Variants in SIGIRR observed in about 807,000 individuals in gnomAD.
SIGIRR encodes the protein single Ig and TIR domain containing.
A neutral mutation model predicts 45.6 loss-of-function variants in SIGIRR; 41 were observed. That is an observed-to-expected ratio of 0.90 (90% CI 0.70 to 1.17). The LOEUF is 1.17. Among genes scored for constraint, SIGIRR ranks in the 50% most tolerant of loss-of-function variants. SIGIRR has a pLI of 0.00. For missense variants in SIGIRR, 599 were observed against 539.6 expected (o/e 1.11, Z -1.09); for synonymous variants, 298 against 239.0 (o/e 1.25, Z -2.28).
At chr11:415,044 A>C, upstream of SIGIRR, 1 of 221,410 alleles carries the variant, frequency 4.5e-6, no homozygotes, top group Non-Finnish European at 7.6e-6. The surrounding 1 kb of genome is among the most constrained non-coding windows in gnomAD (Gnocchi z 6.6). Flanking sequence ...CCTAACCCTA[A>C]ACCCCACCCA....
intron 8 of SIGIRR, 79 bp downstream of exon 8, chr11:406,764 G>A (rs967438835): frequency 2.1e-6 from 3 of 1,441,874 alleles, no homozygotes; most frequent in Non-Finnish European, 2.7e-6. Flanking sequence ...TCCCCACGGA[G>A]GGGTCCCAGC....
chr11:413,309 C>G (rs373946320), intron 1 of SIGIRR, among the ~76,000 whole-genome samples: 2 of 152,072 alleles, frequency 1.3e-5, no homozygotes, highest in Non-Finnish European at 1.5e-5. Flanking sequence ...GAGGCACACA[C>G]CCATGGGGGA....
chr11:408,555 C>A, intron 3 of SIGIRR, 140 bp downstream of exon 3: 1 of 1,004,444 alleles, frequency 1.0e-6, no homozygotes, highest in Non-Finnish European at 1.5e-6. Context: ...ACATTACTGA[C>A]CCTCCGTCTG....
chr11:406,601 C>T, intron 8 of SIGIRR, 63 bp from the exon 9 acceptor site: 1 of 1,526,822 alleles, frequency 6.5e-7, no homozygotes, highest in Non-Finnish European at 8.8e-7. Context: ...GCGTCCTGGC[C>T]CCCAAGAGCA....
upstream of SIGIRR, among the ~76,000 whole-genome samples, chr11:416,991 C>A (rs2133664998): frequency 6.6e-6 from 1 of 152,288 alleles, no homozygotes; most frequent in East Asian, 1.9e-4. This position sits in a 1 kb window ranked among gnomAD's most constrained non-coding sequence, Gnocchi z 9.1. Flanking sequence ...CTTGGGCGAC[C>A]GAGGTGGGAT....
rs1161916142 is a variant in SIGIRR, at chr11:406,174, G to A, written c.1070-115C>T. ...TGTGATGGCCTGTGAGGCCCAGGAA[G>A]TTCCCAGGCAGACCGAGGGCCGAGC... is the stretch of plus-strand genomic sequence containing the variant. On this transcript the variant is annotated intron_variant, in intron 9 of 9. Transcript: ENST00000431843. 7 of 1,537,768 alleles carry A rather than the reference G, an allele frequency of 4.6e-6. No homozygotes were observed. The Admixed American group carries it at 1.2e-4, about 26-fold the overall frequency.
Position 408,150 on chromosome 11 carries a change from G to C in SIGIRR, c.263C>G (p.Thr88Ser), listed in dbSNP as rs748367004. 2.5e-6 allele frequency: 4 copies of C among 1,612,674 alleles called. No homozygotes were observed. In the African/African-American group the frequency reaches 5.3e-5, roughly 22 times the overall value. ...GAAGGCCCCATAGACTTCAGTGCTG[G>C]TCACGTTGACCCCCAGGACACTGGA... is the stretch of plus-strand genomic sequence containing the variant. ...LVSSVLGVNV[T>S]STEVYGAFTC... Residue 88 changes from threonine to serine, a missense_variant, in exon 4 of 10, where the codon ACC (threonine) becomes AGC (serine). Coordinates refer to ENST00000431843, the MANE Select transcript of SIGIRR (RefSeq NM_001135054.2).
intron 1 of SIGIRR, among the ~76,000 whole-genome samples, chr11:411,430 G>A (rs1310866269): frequency 4.1e-4 from 5 of 12,066 alleles, no homozygotes; most frequent in Admixed American, 4.0e-3. Flanking sequence ...GGATACAGTC[G>A]GGGAGGGGGG....
rs201273535 is a variant in SIGIRR, at chr11:407,969, T to A, written c.341-12A>T. ...GTGGCTTGTAGGGCCTGCGGATGGG[T>A]TGCCTGAGCCGCTGCCCCTCCAGCA... On this transcript the variant is annotated splice_polypyrimidine_tract_variant and intron_variant, in intron 4 of 9. Coordinates refer to ENST00000431843, the MANE Select transcript of SIGIRR (RefSeq NM_001135054.2). The A allele has an allele frequency of 6.2e-7, 1 of 1,602,650 alleles. No individual in the cohort carries two copies.
chr11:408,608 G>T, intron 3 of SIGIRR, 87 bp downstream of exon 3: 1 of 1,484,218 alleles, frequency 6.7e-7, no homozygotes, highest in Non-Finnish European at 9.4e-7. Context: ...TGGCCAGGTG[G>T]TTACAGACCC....
intron 2 of SIGIRR, chr11:409,327 C>G: frequency 3.1e-6 from 1 of 326,022 alleles, no homozygotes. Flanking sequence ...AGTGTGGGCA[C>G]CAGTGGGTTT....
In SIGIRR at chr11:407,121, G is replaced by GAT; in HGVS notation, c.668_669insAT (p.Leu224SerfsTer11). The GAT allele has an allele frequency of 6.5e-7, 1 of 1,529,666 alleles. No individual in the cohort carries two copies. Among genetic ancestry groups the GAT allele is most frequent in the Admixed American group, 2.0e-5 (1 of 51,054 alleles). 94.8% of individuals were successfully genotyped at this position (1,529,666 alleles called of 1,614,324 possible). ...AGGCGTCCGAAAGCACCACGATGAG[G>GAT]CGTCGGCAGCGGCTCAGGTTCACCA... On this transcript the variant is annotated frameshift_variant, in exon 7 of 10. Transcript: ENST00000431843. LOFTEE classifies it high-confidence loss of function.
intron 7 of SIGIRR, 22 bp downstream of exon 7, chr11:407,040 C>T: frequency 6.3e-7 from 1 of 1,575,932 alleles, no homozygotes; most frequent in Non-Finnish European, 8.6e-7. Context: ...CTGGGGCCCA[C>T]CCAACCCCGC....
intron 6 of SIGIRR, 97 bp from the exon 7 acceptor site, chr11:407,261 GGGCGGGGCCTGCGGGGTGGGCGGGTTTTT>G: frequency 1.7e-6 from 1 of 600,980 alleles, no homozygotes; most frequent in Non-Finnish European, 2.4e-6. Context: ...TCTAAGGGAG[GGGCGGGGCCTGCGGGGTGGGCGGGTTTTT>G]GAGGCGGGGC....
chr11:412,867 A>G (rs7396263), intron 1 of SIGIRR, among the ~76,000 whole-genome samples: 129,051 of 152,134 alleles, frequency 0.85, 55,343 homozygotes, highest in East Asian at 1. Flanking sequence ...GAGGGTGAAC[A>G]GCGCCCGGTG....
chr11:407,113 A>G lies in SIGIRR; in HGVS notation c.677T>C (p.Val226Ala). The G allele has an allele frequency of 2.6e-6, 4 of 1,524,614 alleles. No homozygotes were observed. Among genetic ancestry groups the G allele is most frequent in the Admixed American group, 1.9e-5 (1 of 51,806 alleles). 94.4% of individuals were successfully genotyped at this position (1,524,614 alleles called of 1,614,324 possible). Reference protein sequence around the residue: ...VNLSRCRRLIVVLSDAFLSRA... With the variant: ...VNLSRCRRLIAVLSDAFLSRA... ...GCTCAGGAAGGCGTCCGAAAGCACC[A>G]CGATGAGGCGTCGGCAGCGGCTCAG... Residue 226 changes from valine to alanine, a missense_variant, in exon 7 of 10, where the codon GTG (valine) becomes GCG (alanine). Coordinates refer to ENST00000431843, the MANE Select transcript of SIGIRR (RefSeq NM_001135054.2).
At chr11:407,680 C>A in intron 5 of SIGIRR, 112 bp from the exon 6 acceptor site, 1 of 1,559,874 alleles carries the variant, frequency 6.4e-7, no homozygotes, top group Non-Finnish European at 8.7e-7. Context: ...CCGCCCCGGA[C>A]TTTAACCCCA....
chr11:407,026 T>C (rs929518671), intron 7 of SIGIRR, 33 bp from the exon 8 acceptor site: 2 of 1,580,576 alleles, frequency 1.3e-6, no homozygotes, highest in African/African-American at 2.7e-5. Flanking sequence ...GGGTGGGTGC[T>C]ACGCTGGGGC....
rs144106637 is a variant in SIGIRR, at chr11:407,534, G to A, written c.516C>T (p.Ser172=). The A allele has an allele frequency of 1.6e-5, 25 of 1,609,454 alleles. No individual in the cohort carries two copies. Among genetic ancestry groups the A allele is most frequent in the Non-Finnish European group, 2.0e-5 (24 of 1,178,496 alleles). The part of the protein sequence containing the change: ...GKLYDAYVSY[S]DCPEDRKFVN... ...CGAACTTGCGGTCCTCGGGGCAGTC[G>A]CTGTAGGAGACGTAGGCGTCGTAGA... Residue 172 remains serine (S), a synonymous_variant, in exon 6 of 10, where the codon AGC becomes AGT. Coordinates refer to ENST00000431843, the MANE Select transcript of SIGIRR (RefSeq NM_001135054.2).
Sources: gnomAD v4.1 joint callset for allele counts (sites outside exome capture counted in the v4.1 genomes callset) on GRCh38, gnomAD v4.1.1 for gene constraint, Gnocchi (gnomAD v3.1) non-coding constraint, MANE v1.5 for transcripts, NCBI Gene and HGNC (gene_info 2026-07-23, HGNC 2026-07-21) for gene names.